Variants in LRP8 observed in about 807,000 individuals in gnomAD.
The protein encoded by LRP8 is LDL receptor related protein 8.
In LRP8, 46 loss-of-function variants were observed where a neutral mutation model predicts 111.6. That is an observed-to-expected ratio of 0.41 (90% CI 0.33 to 0.53). The LOEUF is 0.53. Ranked by LOEUF, LRP8 falls within the 20% of genes least tolerant of loss-of-function variation. The pLI is 0.20. For missense variants in LRP8, 959 were observed against 1,297.4 expected, an observed-to-expected ratio of 0.74 and a Z score of 4.01; for synonymous variants, 464 against 511.2, an observed-to-expected ratio of 0.91 and a Z score of 1.24.
chr1:53,292,926 G>A (rs1425741557), intron 2 of LRP8, among the ~76,000 whole-genome samples: 3 of 152,234 alleles, frequency 2.0e-5, no homozygotes, highest in Non-Finnish European at 2.9e-5. Context: ...GGAAAGCCCT[G>A]TGCAAGCTTC....
intron 2 of LRP8, 121 bp downstream of exon 2, chr1:53,326,752 T>C (rs1655180485): frequency 6.9e-7 from 1 of 1,447,050 alleles, no homozygotes; most frequent in East Asian, 2.6e-5. Flanking sequence ...GGTCGCAGGC[T>C]CCGGCGGCAA....
chr1:53,301,120 G>A (rs1319861945), intron 2 of LRP8, among the ~76,000 whole-genome samples: 1 of 152,218 alleles, frequency 6.6e-6, no homozygotes, highest in African/African-American at 2.4e-5. Context: ...AGCAGAGCAC[G>A]TGGCTCAGGG....
At chr1:53,260,730 A>G (rs769533266) in intron 12 of LRP8, 125 bp from the exon 13 acceptor site, 93 of 926,142 alleles carry the variant, frequency 1.0e-4, no homozygotes, top group Middle Eastern at 3.0e-4. Context: ...TGTCCTGTCT[A>G]TGGATTCACG....
At chr1:53,291,194 G>A (rs1572571240) in intron 2 of LRP8, among the ~76,000 whole-genome samples, 2 of 152,252 alleles carry the variant, frequency 1.3e-5, no homozygotes, top group East Asian at 3.9e-4. Context: ...GTGGTAGTTC[G>A]AGACCAGGAG....
At chr1:53,273,434 G>A (rs1025175935) in intron 6 of LRP8, among the ~76,000 whole-genome samples, 2 of 152,208 alleles carry the variant, frequency 1.3e-5, no homozygotes, top group African/African-American at 4.8e-5. Context: ...TTTACTCAGA[G>A]AAGAAGACAT....
Position 53,244,233 on chromosome 1 carries a change from T to C in LRP8, c.*2785A>G, listed in dbSNP as rs961391293. The C allele has an allele frequency of 2.0e-5, 3 of 152,250 alleles. No homozygotes were observed. The highest frequency in any genetic ancestry group is 7.2e-5 in the African/African-American group (3 of 41,472). The allele number at this position is 152,250 out of a possible 1,614,324, so 9.4% of individuals were successfully genotyped here. A position where few individuals can be genotyped will look rare whatever the true frequency, so the allele number is the denominator to read the frequency against. ...ACCATAGTATAGGTAGCAGGTTTGA[T>C]ACAATGTTCAGGCAGCCCAAAATAG... On this transcript the variant is annotated 3_prime_UTR_variant, in exon 19 of 19. Transcript: ENST00000306052.
rs1386379106 is a variant in LRP8, at chr1:53,317,025, G to C, written c.244+9848C>G. Among the ~76,000 whole-genome samples, 2 of 152,160 alleles carry C rather than the reference G, an allele frequency of 1.3e-5. No homozygotes were observed. The highest frequency in any genetic ancestry group is 3.8e-4 in the East Asian group (2 of 5,196). Reference sequence around the variant, plus strand: ...CCATAGCCTCCACGGGTCCAGAATAGTCACCTCCCTCCTGGTACACAGCCC... The same window carrying C: ...CCATAGCCTCCACGGGTCCAGAATACTCACCTCCCTCCTGGTACACAGCCC... On this transcript the variant is annotated intron_variant, in intron 2 of 18. Transcript: ENST00000306052. This position sits in a 1 kb window ranked among gnomAD's most constrained non-coding sequence, Gnocchi z 4.9.
chr1:53,280,716 C>T lies in LRP8; in HGVS notation c.368-1G>A. On this transcript the variant is annotated splice_acceptor_variant, in intron 3 of 18. Transcript: ENST00000306052. LOFTEE classifies it high-confidence loss of function. ...TTCTCTGCAGGACACACCTGCTTGG[C>T]TGTGGAGACAGACGTCCATGCATAG... The T allele has an allele frequency of 6.2e-7, 1 of 1,611,152 alleles. No homozygotes were observed. The highest frequency in any genetic ancestry group is 8.5e-7 in the Non-Finnish European group (1 of 1,179,886).
Position 53,262,065 on chromosome 1 carries a change from C to T in LRP8, c.1914+3G>A. 1 of 1,614,136 alleles carries T rather than the reference C, an allele frequency of 6.2e-7. No homozygotes were observed. Among genetic ancestry groups the T allele is most frequent in the Non-Finnish European group, 8.5e-7 (1 of 1,179,994 alleles). ...GGCCCTTGCCTCTCCTTACAGGACT[C>T]ACCTCAAACACAGCTATCCCAAAAG... On this transcript the variant is annotated splice_donor_region_variant and intron_variant, in intron 12 of 18. Coordinates refer to ENST00000306052, the MANE Select transcript of LRP8 (RefSeq NM_004631.5). The surrounding 1 kb of genome is among the most constrained non-coding windows in gnomAD (Gnocchi z 4.8).
intron 10 of LRP8, among the ~76,000 whole-genome samples, 189 bp downstream of exon 10, chr1:53,263,980 G>C (rs1473817806): frequency 1.3e-5 from 2 of 152,194 alleles, no homozygotes; most frequent in African/African-American, 4.8e-5. Context: ...GTGGGTGGGA[G>C]AGTCCAGGGA....
At chr1:53,289,036 A>G (rs368308045) in intron 3 of LRP8, among the ~76,000 whole-genome samples, 131 of 152,242 alleles carry the variant, frequency 8.6e-4, no homozygotes, top group African/African-American at 3.1e-3. Flanking sequence ...AGGGTAGAGG[A>G]ACGGGCCAGA....
Position 53,276,809 on chromosome 1 carries a change from G to T in LRP8, c.766C>A (p.Pro256Thr). 1 of 1,283,960 alleles carries T rather than the reference G, an allele frequency of 7.8e-7. No individual in the cohort carries two copies. Among genetic ancestry groups the T allele is most frequent in the Non-Finnish European group, 9.9e-7 (1 of 1,013,116 alleles). The allele number at this position is 1,283,960 out of a possible 1,614,324, so 79.5% of individuals were successfully genotyped here. A position where few individuals can be genotyped will look rare whatever the true frequency, so the allele number is the denominator to read the frequency against. ...TGGGAGGCGGTGGCGCAGGCGGCGG[G>T]CGCGGACGTGGCCCCGGGGCCCGGA... The part of the protein sequence containing the change: ...GRPGPGATSA[P>T]AACATASQFA... The change falls in exon 5 of 19, where the codon CCC (proline) becomes ACC (threonine). Residue 256 changes from proline (P) to threonine (T), a missense_variant. Coordinates refer to ENST00000306052, the MANE Select transcript of LRP8 (RefSeq NM_004631.5).
intron 2 of LRP8, among the ~76,000 whole-genome samples, chr1:53,295,426 C>CAG (rs1265229201): frequency 6.6e-6 from 1 of 152,184 alleles, no homozygotes; most frequent in Non-Finnish European, 1.5e-5. Flanking sequence ...AGCTGCCCTG[C>CAG]AGAGGCCCAG....
At position 53,249,344 on chromosome 1, in the gene LRP8, C is replaced by T. The variant is rs746272944; in HGVS notation, c.2853+36G>A. The T allele has an allele frequency of 2.1e-5, 33 of 1,604,626 alleles. No individual in the cohort carries two copies. The highest frequency in any genetic ancestry group is 2.6e-5 in the Non-Finnish European group (30 of 1,174,898). On this transcript the variant is annotated intron_variant, in intron 18 of 18. Transcript: ENST00000306052. This position sits in a 1 kb window ranked among gnomAD's most constrained non-coding sequence, Gnocchi z 4.1. ...GCCTGCCTTGGTTCATGCCCTCACT[C>T]ACCAGCCCCTCAGACTTAGAGTGGC... is the stretch of plus-strand genomic sequence containing the variant.
At chr1:53,292,044 C>T (rs1648878391) in intron 2 of LRP8, 1 of 152,200 alleles carries the variant, frequency 6.6e-6, no homozygotes. Context: ...TGGGGCTTGC[C>T]TTCTCCCTGG....
intron 16 of LRP8, among the ~76,000 whole-genome samples, chr1:53,253,627 T>C (rs1645971515): frequency 6.6e-6 from 1 of 152,208 alleles, no homozygotes; most frequent in African/African-American, 2.4e-5. Flanking sequence ...TGCCTCTTTC[T>C]ATAGGGCAAA....
At chr1:53,289,528 T>TGAGGCC (rs1648240301) in intron 3 of LRP8, 39 bp downstream of exon 3, 1 of 1,565,274 alleles carries the variant, frequency 6.4e-7, no homozygotes, top group Non-Finnish European at 8.7e-7. Flanking sequence ...AGGAGGAAAC[T>TGAGGCC]GAGGCCCACC....
chr1:53,291,151 G>A (rs1313778760), intron 2 of LRP8, among the ~76,000 whole-genome samples: 1 of 152,192 alleles, frequency 6.6e-6, no homozygotes, highest in Non-Finnish European at 1.5e-5. Flanking sequence ...CAGGAAAAGA[G>A]AGGGTGATCT....
intron 2 of LRP8, among the ~76,000 whole-genome samples, chr1:53,315,389 G>A (rs537659419): frequency 6.6e-6 from 1 of 152,336 alleles, no homozygotes; most frequent in Admixed American, 6.5e-5. Context: ...ATCTTGAATT[G>A]AGCACTGCGC....
Sources: allele counts gnomAD v4.1 joint callset (sites outside exome capture counted in the v4.1 genomes callset), GRCh38; gene constraint gnomAD v4.1.1; non-coding constraint Gnocchi (gnomAD v3.1); transcripts MANE v1.5; gene names NCBI Gene and HGNC (gene_info 2026-07-23, HGNC 2026-07-21).